Variants in NAALADL2 observed in about 807,000 individuals in gnomAD.
NAALADL2 encodes inactive N-acetylated-alpha-linked acidic dipeptidase-like protein 2.
A neutral mutation model predicts 87.2 loss-of-function variants in NAALADL2; 76 were observed. The ratio of observed to expected loss-of-function variants is 0.87; its 90% CI spans 0.72 to 1.05. The LOEUF is 1.05. Ranked by LOEUF, NAALADL2 falls within the 50% of genes least tolerant of loss-of-function variation. The pLI is 0.00. For missense variants in NAALADL2, 1,089 were observed against 945.8 expected (o/e 1.15, Z -1.99); for synonymous variants, 354 against 331.0 (o/e 1.07, Z -0.75).
chr3:175,122,258 A>G (rs1726272649), intron 2 of NAALADL2, among the ~76,000 whole-genome samples: 1 of 151,840 alleles, frequency 6.6e-6, no homozygotes, highest in Admixed American at 6.6e-5. Flanking sequence ...ACTGCAATCA[A>G]CAGTGATAAG....
chr3:175,575,978 C>A, intron 9 of NAALADL2, 63 bp from the exon 10 acceptor site: 2 of 1,359,348 alleles, frequency 1.5e-6, no homozygotes, highest in Non-Finnish European at 2.0e-6. Flanking sequence ...TTTTGAGTAG[C>A]ACTGATCTAG....
At chr3:175,522,994 C>T (rs777998380) in intron 9 of NAALADL2, among the ~76,000 whole-genome samples, 1 of 152,170 alleles carries the variant, frequency 6.6e-6, no homozygotes, top group Admixed American at 6.5e-5. Flanking sequence ...AAGTTCTTAA[C>T]CTGGGTACAC....
At chr3:175,029,686 A>G (rs1752605592) in intron 1 of NAALADL2, among the ~76,000 whole-genome samples, 1 of 152,066 alleles carries the variant, frequency 6.6e-6, no homozygotes, top group Non-Finnish European at 1.5e-5. Context: ...AAATGAAAAT[A>G]TCTTGTAGTA....
At chr3:174,607,536 A>T (rs1246515075) in intron 2 of NAALADL2, among the ~76,000 whole-genome samples, 1 of 150,110 alleles carries the variant, frequency 6.7e-6, no homozygotes, top group Non-Finnish European at 1.5e-5. Context: ...GATAAAACAG[A>T]CTTTAAACCA....
intron 1 of NAALADL2, among the ~76,000 whole-genome samples, chr3:174,878,263 C>T (rs1184092006): frequency 6.6e-6 from 1 of 152,024 alleles, no homozygotes; most frequent in African/African-American, 2.4e-5. Context: ...TATTGATTGT[C>T]AAATTGAGAA....
At chr3:175,627,258 A>C in intron 10 of NAALADL2, 33 bp from the exon 11 acceptor site, 12 of 1,468,946 alleles carry the variant, frequency 8.2e-6, no homozygotes, top group Non-Finnish European at 9.3e-6. Context: ...ATCGATAAAG[A>C]GTTTTAAATG....
At chr3:174,806,824 GTAGTCCTTTCATTCTGTAT>G in intron 3 of NAALADL2, among the ~76,000 whole-genome samples, 1 of 152,168 alleles carries the variant, frequency 6.6e-6, no homozygotes, top group East Asian at 1.9e-4. Flanking sequence ...ACATATTTAT[GTAGTCCTTTCATTCTGTAT>G]TATAGTTTAT....
In NAALADL2 at chr3:175,347,212, C is replaced by G. The variant is rs567916174; in HGVS notation, c.1090+22887C>G. Among the ~76,000 whole-genome samples the G allele has an allele frequency of 2.0e-5, 3 of 152,282 alleles. No individual in the cohort carries two copies. The South Asian group carries it at 6.2e-4, about 32-fold the overall frequency. ...TTCAACTGATACTGCTGACATCTCT[C>G]CCTTTCGTCAAGTGGTGAATTCAGC... is the stretch of plus-strand genomic sequence containing the variant. On this transcript the variant is annotated intron_variant, in intron 5 of 13. Transcript: ENST00000454872.
At chr3:175,760,753 T>C (rs1327865815) in intron 13 of NAALADL2, among the ~76,000 whole-genome samples, 2 of 152,176 alleles carry the variant, frequency 1.3e-5, no homozygotes, top group Non-Finnish European at 2.9e-5. Context: ...GCATCTGTGT[T>C]TTGCCATTAG....
chr3:174,758,802 C>G (rs140618923), intron 3 of NAALADL2, among the ~76,000 whole-genome samples: 1 of 152,286 alleles, frequency 6.6e-6, no homozygotes, highest in East Asian at 1.9e-4. Flanking sequence ...ATAACAACTT[C>G]TTTTCATTGG....
At chr3:175,786,948 C>A (rs1242403712) in intron 13 of NAALADL2, among the ~76,000 whole-genome samples, 2 of 151,676 alleles carry the variant, frequency 1.3e-5, no homozygotes, top group Non-Finnish European at 2.9e-5. Flanking sequence ...CCCTCAGCTG[C>A]AGGTCTGTTG....
At chr3:174,850,942 G>A (rs565500558) in intron 3 of NAALADL2, among the ~76,000 whole-genome samples, 1 of 152,114 alleles carries the variant, frequency 6.6e-6, no homozygotes, top group Non-Finnish European at 1.5e-5. Flanking sequence ...TAAAACTAGA[G>A]AGTTGTAACC....
chr3:175,612,240 T>C (rs1324472783), intron 10 of NAALADL2, among the ~76,000 whole-genome samples: 3 of 152,202 alleles, frequency 2.0e-5, no homozygotes, highest in Non-Finnish European at 4.4e-5. Context: ...GAAGGACAGT[T>C]GGGACAGATT....
intron 3 of NAALADL2, among the ~76,000 whole-genome samples, chr3:175,250,885 C>T (rs1748941564): frequency 6.6e-6 from 1 of 152,108 alleles, no homozygotes; most frequent in South Asian, 2.1e-4. Context: ...TGTAATAGTA[C>T]ATTTCTTCAT....
chr3:175,279,780 G>A (rs1204977734), intron 4 of NAALADL2, among the ~76,000 whole-genome samples: 1 of 127,008 alleles, frequency 7.9e-6, no homozygotes, highest in Non-Finnish European at 1.6e-5. Flanking sequence ...CCTCTGCATA[G>A]TGTGTGAGTG....
intron 9 of NAALADL2, among the ~76,000 whole-genome samples, chr3:175,550,020 G>C (rs893947658): frequency 3.2e-4 from 48 of 152,100 alleles, no homozygotes; most frequent in African/African-American, 1.1e-3. Context: ...TGAACCCTGT[G>C]GTTATGTGAC....
chr3:174,888,637 T>C lies in NAALADL2; in HGVS notation c.43+29187T>C, dbSNP rs190937529. ...GAATCTGAAGTAGTGACTCCTATCA[T>C]TCGGGGCATTTATTTTATCAAGCTT... On this transcript the variant is annotated intron_variant, in intron 1 of 13. Transcript: ENST00000454872. Among the ~76,000 whole-genome samples, 327 of 152,332 alleles carry C rather than the reference T, an allele frequency of 2.1e-3. 1 individual carries two copies. The highest frequency in any genetic ancestry group is 7.5e-3 in the African/African-American group (313 of 41,584).
intron 2 of NAALADL2, among the ~76,000 whole-genome samples, chr3:175,196,677 T>C (rs756789153): frequency 3.3e-5 from 5 of 152,066 alleles, no homozygotes; most frequent in Admixed American, 6.6e-5. Context: ...AAAAGTTGCA[T>C]TTTTAGTATG....
chr3:174,826,568 C>G (rs970483444), intron 3 of NAALADL2, among the ~76,000 whole-genome samples: 21 of 152,168 alleles, frequency 1.4e-4, no homozygotes, highest in African/African-American at 5.1e-4. Context: ...CATAGACCTT[C>G]AGTGCCAGAA....
Sources: gnomAD v4.1 joint callset for allele counts (sites outside exome capture counted in the v4.1 genomes callset) on GRCh38, gnomAD v4.1.1 for gene constraint, MANE v1.5 for transcripts, NCBI Gene and HGNC (gene_info 2026-07-23, HGNC 2026-07-21) for gene names.